PLEK2: variants seen among roughly 807,000 people sequenced by gnomAD.
The protein encoded by PLEK2 is pleckstrin 2.
A neutral mutation model predicts 43.8 loss-of-function variants in PLEK2; 29 were observed. The ratio of observed to expected loss-of-function variants is 0.66; its 90% CI spans 0.49 to 0.90. The LOEUF is 0.90. PLEK2 is among the 40% of genes least tolerant of loss of function. The pLI, the probability that PLEK2 is intolerant of heterozygous loss-of-function variation, is 0.00. For missense variants in PLEK2, 398 were observed against 448.1 expected (o/e 0.89, Z 1.01); for synonymous variants, 162 against 173.2 (o/e 0.94, Z 0.51).
At chr14:67,402,093 C>T (rs2086052257) in intron 1 of PLEK2, among the ~76,000 whole-genome samples, 1 of 152,164 alleles carries the variant, frequency 6.6e-6, no homozygotes, top group South Asian at 2.1e-4. Flanking sequence ...ATGACAGTGC[C>T]ACTGCACTCC....
chr14:67,408,871 A>C (rs1044218780), intron 1 of PLEK2, among the ~76,000 whole-genome samples: 1 of 152,090 alleles, frequency 6.6e-6, no homozygotes, highest in African/African-American at 2.4e-5. Flanking sequence ...CTGCATAACC[A>C]TAATTTAATT....
intron 2 of PLEK2, among the ~76,000 whole-genome samples, chr14:67,397,232 C>A (rs1318499361): frequency 1.3e-5 from 2 of 152,220 alleles, no homozygotes; most frequent in Admixed American, 1.3e-4. Context: ...AGCCACCACG[C>A]CCAGCCTAGA....
intron 1 of PLEK2, among the ~76,000 whole-genome samples, chr14:67,399,030 A>G (rs966268210): frequency 1.3e-5 from 2 of 152,216 alleles, no homozygotes; most frequent in African/African-American, 4.8e-5. Context: ...TTGCACGTAA[A>G]TTTTGACCTG....
chr14:67,411,283 G>A (rs1212346712), intron 1 of PLEK2, among the ~76,000 whole-genome samples: 4 of 152,146 alleles, frequency 2.6e-5, no homozygotes, highest in East Asian at 1.9e-4. Flanking sequence ...GCCACCTGGG[G>A]TGGTGGGGAA....
At chr14:67,398,474 C>T (rs572731435) in intron 1 of PLEK2, among the ~76,000 whole-genome samples, 1 of 152,100 alleles carries the variant, frequency 6.6e-6, no homozygotes, top group Non-Finnish European at 1.5e-5. Context: ...CCTAAACTAC[C>T]CTTCTCTTTA....
At chr14:67,388,714 CTG>C (rs2085945381) in intron 7 of PLEK2, among the ~76,000 whole-genome samples, 1 of 152,114 alleles carries the variant, frequency 6.6e-6, no homozygotes, top group African/African-American at 2.4e-5. Context: ...GAGTCTCACT[CTG>C]TCTTTCAGGC....
At chr14:67,393,352 C>G in intron 3 of PLEK2, 111 bp from the exon 4 acceptor site, 1 of 777,250 alleles carries the variant, frequency 1.3e-6, no homozygotes, top group South Asian at 1.4e-5. Context: ...TGGTGTGACA[C>G]ACATCACAAA....
chr14:67,392,667 T>C lies in PLEK2; in HGVS notation c.664A>G (p.Thr222Ala), dbSNP rs763496008. The C allele has an allele frequency of 6.2e-7, 1 of 1,609,708 alleles. No individual in the cohort carries two copies. Among genetic ancestry groups the C allele is most frequent in the Non-Finnish European group, 8.5e-7 (1 of 1,177,354 alleles). The stretch of plus-strand genomic sequence containing the variant: ...GAACCCACTCCCCAACTTACAAAAG[T>C]GTACAGGGCTGTGGAGTCATCCAGG... ...QFLDDSTALY[T>A]FAESYKKKIS... Residue 222 changes from threonine (T) to alanine (A), a missense_variant, in exon 5 of 9, where the codon ACT becomes GCT. Coordinates refer to ENST00000216446, the MANE Select transcript of PLEK2 (RefSeq NM_016445.3).
intron 8 of PLEK2, 22 bp from the exon 9 acceptor site, chr14:67,387,478 A>T: frequency 6.3e-7 from 1 of 1,596,442 alleles, no homozygotes; most frequent in East Asian, 2.3e-5. Flanking sequence ...AAAGGGGGAA[A>T]AAAATCAGTG....
intron 1 of PLEK2, among the ~76,000 whole-genome samples, chr14:67,402,458 G>A (rs766365854): frequency 2.8e-4 from 42 of 152,024 alleles, no homozygotes; most frequent in Admixed American, 8.5e-4. Context: ...ATTTTTAAAC[G>A]TACAATTAAG....
At chr14:67,411,331 C>G (rs982153131) in intron 1 of PLEK2, among the ~76,000 whole-genome samples, 17 of 152,036 alleles carry the variant, frequency 1.1e-4, no homozygotes, top group Non-Finnish European at 2.4e-4. Context: ...CAGTTCCTGT[C>G]CCAGCTATTA....
chr14:67,407,289 T>G (rs1164679131), intron 1 of PLEK2, among the ~76,000 whole-genome samples: 1 of 151,854 alleles, frequency 6.6e-6, no homozygotes, highest in Non-Finnish European at 1.5e-5. Context: ...ACCTGGCTAA[T>G]TTTTTGTATT....
intron 1 of PLEK2, among the ~76,000 whole-genome samples, chr14:67,411,430 A>G (rs72719137): frequency 0.016 from 2,381 of 152,176 alleles, 24 homozygotes; most frequent in Middle Eastern, 0.034. Context: ...CCCACCGTGT[A>G]TGGCACTGGG....
At chr14:67,390,626 A>T (rs1464793868) in intron 7 of PLEK2, 37 bp downstream of exon 7, 1 of 1,442,104 alleles carries the variant, frequency 6.9e-7, no homozygotes, top group African/African-American at 1.4e-5. Flanking sequence ...GGGGCATCAC[A>T]ACATGGGACC....
intron 2 of PLEK2, among the ~76,000 whole-genome samples, chr14:67,396,020 T>C (rs1000420788): frequency 1.3e-5 from 2 of 152,226 alleles, no homozygotes; most frequent in Non-Finnish European, 2.9e-5. Flanking sequence ...CTACCTCAAA[T>C]GGCCTGTTAG....
intron 6 of PLEK2, 128 bp downstream of exon 6, chr14:67,392,198 G>A: frequency 2.9e-6 from 2 of 689,062 alleles, no homozygotes; most frequent in Non-Finnish European, 5.2e-6. Context: ...CTGGGCTCTT[G>A]CTTTCGTAGA....
Position 67,393,353 on chromosome 14 carries a change from A to G in PLEK2, c.390-112T>C, listed in dbSNP as rs111698075. 2,174 of 774,684 alleles carry G rather than the reference A, an allele frequency of 2.8e-3. 26 individuals are homozygous for G. The highest frequency in any genetic ancestry group is 0.025 in the African/African-American group (1,459 of 59,076). The allele number at this position is 774,684 out of a possible 1,614,324, so 48.0% of individuals were successfully genotyped here. A position where few individuals can be genotyped will look rare whatever the true frequency, so the allele number is the denominator to read the frequency against. On this transcript the variant is annotated intron_variant, in intron 3 of 8. Coordinates refer to ENST00000216446, the MANE Select transcript of PLEK2 (RefSeq NM_016445.3). ...AAGCAAGTGGCAAATGGTGTGACAC[A>G]CATCACAAAGAAAAGGGGTGTAGGA... is the stretch of plus-strand genomic sequence containing the variant.
At position 67,400,596 on chromosome 14, in the gene PLEK2, TA is replaced by T. The variant is rs774949890; in HGVS notation, c.43-2771del. ...CTGGGTGCTTCTGAATCCAAGGCAG[TA>T]AACTGCTGGCACCCAAGGCTGTAGC... On this transcript the variant is annotated intron_variant, in intron 1 of 8. Coordinates refer to ENST00000216446, the MANE Select transcript of PLEK2 (RefSeq NM_016445.3). 2.6e-5 allele frequency among the ~76,000 whole-genome samples: 4 copies of T among 152,030 alleles called. No individual in the cohort carries two copies. In the East Asian group the frequency reaches 7.7e-4, roughly 29 times the overall value.
At chr14:67,388,328 G>C (rs1478135139) in intron 7 of PLEK2, 26 bp from the exon 8 acceptor site, 1 of 1,483,246 alleles carries the variant, frequency 6.7e-7, no homozygotes, top group East Asian at 2.3e-5. Context: ...GACCCAATTA[G>C]GAATTTGTGA....
Sources: allele counts gnomAD v4.1 joint callset (sites outside exome capture counted in the v4.1 genomes callset), GRCh38; gene constraint gnomAD v4.1.1; transcripts MANE v1.5; gene names NCBI Gene and HGNC (gene_info 2026-07-23, HGNC 2026-07-21).